The following CFAP299 variants were observed in gnomAD, a reference collection of about 807,000 sequenced individuals.
The protein encoded by CFAP299 is cilia and flagella associated protein 299, also known as cilia- and flagella-associated protein 299.
A neutral mutation model predicts 27.0 loss-of-function variants in CFAP299; 21 were observed. That is an observed-to-expected ratio of 0.78 (90% CI 0.55 to 1.12). The LOEUF is 1.12. CFAP299 is among the 50% of genes most tolerant of loss of function. The pLI, the probability that CFAP299 is intolerant of heterozygous loss-of-function variation, is 0.00. For synonymous variants in CFAP299, 104 were observed against 98.1 expected, an observed-to-expected ratio of 1.06 and a Z score of -0.36; for missense variants, 310 against 276.6, an observed-to-expected ratio of 1.12 and a Z score of -0.86.
At chr4:80,681,807 G>A (rs529655722) in intron 3 of CFAP299, among the ~76,000 whole-genome samples, 1 of 152,256 alleles carries the variant, frequency 6.6e-6, no homozygotes, top group East Asian at 1.9e-4. Flanking sequence ...ATACTTTGTG[G>A]GGAAACATTT....
intron 3 of CFAP299, among the ~76,000 whole-genome samples, chr4:80,602,208 TTAAAA>T (rs1182414418): frequency 4.7e-5 from 7 of 149,828 alleles, no homozygotes; most frequent in Admixed American, 1.3e-4. Flanking sequence ...ACCCCTGAAC[TTAAAA>T]TAAAAGTTAA....
chr4:80,732,308 CT>C (rs11357981), intron 3 of CFAP299, among the ~76,000 whole-genome samples: 150,431 of 152,244 alleles, frequency 0.99, 74,337 homozygotes, highest in Middle Eastern at 1. Flanking sequence ...TTTCTGCTTA[CT>C]TTTTTCCAGA....
chr4:80,572,460 A>G (rs12639952), intron 2 of CFAP299, among the ~76,000 whole-genome samples: 12,025 of 144,572 alleles, frequency 0.083, 556 homozygotes, highest in Middle Eastern at 0.22. Flanking sequence ...TTACTTAACA[A>G]AATTACCTCA....
At position 80,710,965 on chromosome 4, in the gene CFAP299, C is replaced by T. The variant is rs543566066; in HGVS notation, c.333+127782C>T. On this transcript the variant is annotated intron_variant, in intron 3 of 5. Coordinates refer to ENST00000358105, the MANE Select transcript of CFAP299 (RefSeq NM_152770.3). The stretch of plus-strand genomic sequence containing the variant: ...CAGGTAAACCTCCAGAGTGACTCAG[C>T]GAGTTTAGAGCACAGGCGTATAACT... 9.9e-5 allele frequency among the ~76,000 whole-genome samples: 15 copies of T among 152,204 alleles called. No individual in the cohort carries two copies. The South Asian group carries it at 2.5e-3, about 25-fold the overall frequency.
At chr4:80,772,189 G>A (rs1260611734) in intron 3 of CFAP299, among the ~76,000 whole-genome samples, 4 of 152,136 alleles carry the variant, frequency 2.6e-5, no homozygotes, top group South Asian at 2.1e-4. Flanking sequence ...TAAACAGATC[G>A]TAAAGATTAG....
At chr4:80,800,584 A>T (rs1271198129) in intron 3 of CFAP299, among the ~76,000 whole-genome samples, 2 of 85,740 alleles carry the variant, frequency 2.3e-5, no homozygotes, top group South Asian at 6.6e-4. Context: ...ATAAATATAT[A>T]ATATATAATA....
At chr4:80,833,971 C>T (rs941977949) in intron 3 of CFAP299, among the ~76,000 whole-genome samples, 1 of 152,086 alleles carries the variant, frequency 6.6e-6, no homozygotes, top group Non-Finnish European at 1.5e-5. Flanking sequence ...TAGATGGAAG[C>T]GTTCACTGGT....
intron 2 of CFAP299, among the ~76,000 whole-genome samples, chr4:80,560,101 G>A (rs1734967683): frequency 6.6e-6 from 1 of 152,054 alleles, no homozygotes; most frequent in African/African-American, 2.4e-5. Flanking sequence ...AGAGGTAAGA[G>A]TGGGGAGGAC....
intron 3 of CFAP299, among the ~76,000 whole-genome samples, chr4:80,808,388 C>T (rs879927554): frequency 7.2e-5 from 11 of 152,210 alleles, no homozygotes; most frequent in Middle Eastern, 6.8e-3. Context: ...GCCTGAAATA[C>T]TAAACATAGC....
At chr4:80,399,182 C>T (rs995257711) in intron 2 of CFAP299, among the ~76,000 whole-genome samples, 9 of 152,110 alleles carry the variant, frequency 5.9e-5, no homozygotes, top group African/African-American at 1.4e-4. Flanking sequence ...ATTAAAAATT[C>T]GGGAAACAAC....
rs183140137 is a variant in CFAP299, at chr4:80,478,631, G to C, written c.243-104462G>C. ...GTTCTAATAAATATGTATACCCAGTGAAACCATTTTGCTTCTGCACATAAA... is the reference window on the plus strand; with the variant it reads ...GTTCTAATAAATATGTATACCCAGTCAAACCATTTTGCTTCTGCACATAAA... On this transcript the variant is annotated intron_variant, in intron 2 of 5. Coordinates refer to ENST00000358105, the MANE Select transcript of CFAP299 (RefSeq NM_152770.3). 1.3e-3 allele frequency among the ~76,000 whole-genome samples: 194 copies of C among 152,182 alleles called. 2 individuals are homozygous for C. Among genetic ancestry groups the C allele is most frequent in the Admixed American group, 0.012 (178 of 15,286 alleles).
intron 2 of CFAP299, among the ~76,000 whole-genome samples, chr4:80,526,994 C>A (rs1467370566): frequency 6.6e-6 from 1 of 151,808 alleles, no homozygotes; most frequent in East Asian, 1.9e-4. Context: ...AGACCTTGGG[C>A]CAGTTACTTA....
Position 80,391,739 on chromosome 4 carries a change from G to T in CFAP299, c.242+28855G>T, listed in dbSNP as rs538460269. ...TCCTAGCACTTTGGTAGGCTAAGAT[G>T]GGACTACTGCTTGATCCCAGGAGTT... On this transcript the variant is annotated intron_variant, in intron 2 of 5. Transcript: ENST00000358105. 1.9e-4 allele frequency among the ~76,000 whole-genome samples: 29 copies of T among 152,246 alleles called. 1 individual carries two copies. Among genetic ancestry groups the T allele is most frequent in the Admixed American group, 1.4e-3 (22 of 15,294 alleles).
intron 3 of CFAP299, among the ~76,000 whole-genome samples, chr4:80,592,925 C>A (rs1736857296): frequency 6.6e-6 from 1 of 152,178 alleles, no homozygotes; most frequent in Non-Finnish European, 1.5e-5. Flanking sequence ...ATGTTTACTT[C>A]TCTTTTTCTC....
intron 3 of CFAP299, among the ~76,000 whole-genome samples, chr4:80,592,490 CAT>C (rs1284587105): frequency 6.6e-6 from 1 of 152,132 alleles, no homozygotes; most frequent in African/African-American, 2.4e-5. Flanking sequence ...CTATGTGAAA[CAT>C]ATCATTAGAA....
At chr4:80,455,804 C>T (rs1490609524) in intron 2 of CFAP299, among the ~76,000 whole-genome samples, 2 of 152,078 alleles carry the variant, frequency 1.3e-5, no homozygotes, top group African/African-American at 2.4e-5. Context: ...AAATTATGCT[C>T]TTCCCATTCA....
At chr4:80,604,356 G>C (rs964180649) in intron 3 of CFAP299, among the ~76,000 whole-genome samples, 1 of 152,102 alleles carries the variant, frequency 6.6e-6, no homozygotes, top group African/African-American at 2.4e-5. Context: ...TTGGCTAGCT[G>C]TCAGTAAGAT....
intron 3 of CFAP299, among the ~76,000 whole-genome samples, chr4:80,772,119 T>G (rs893219464): frequency 7.9e-5 from 12 of 152,282 alleles, no homozygotes; most frequent in African/African-American, 2.6e-4. Context: ...AATACAGGAT[T>G]CAAAAATCTA....
At chr4:80,883,008 TA>T (rs1733785997) in intron 4 of CFAP299, among the ~76,000 whole-genome samples, 2 of 152,124 alleles carry the variant, frequency 1.3e-5, no homozygotes, top group Non-Finnish European at 2.9e-5. Flanking sequence ...AGGATATAGA[TA>T]AAATATAATA....
Sources: allele counts gnomAD v4.1 joint callset (sites outside exome capture counted in the v4.1 genomes callset), GRCh38; gene constraint gnomAD v4.1.1; transcripts MANE v1.5; gene names NCBI Gene and HGNC (gene_info 2026-07-23, HGNC 2026-07-21).